NFASC: variants seen among roughly 807,000 people sequenced by gnomAD.
NFASC encodes the protein neurofascin homolog.
NFASC carries 43 observed loss-of-function variants against 147.5 expected under a neutral mutation model. The ratio of observed to expected loss-of-function variants is 0.29; its 90% CI spans 0.23 to 0.38. NFASC has a LOEUF of 0.38. Ranked by LOEUF, NFASC falls within the 10% of genes least tolerant of loss-of-function variation. The pLI, the probability that NFASC is intolerant of heterozygous loss-of-function variation, is 1.00. For missense variants in NFASC, 1,320 were observed against 1,689.0 expected (o/e 0.78, Z 3.83); for synonymous variants, 622 against 665.5 (o/e 0.93, Z 1.01).
intron 2 of NFASC, among the ~76,000 whole-genome samples, chr1:204,929,789 C>T (rs2092165887): frequency 6.6e-6 from 1 of 152,206 alleles, no homozygotes; most frequent in Non-Finnish European, 1.5e-5. Context: ...CCAGAGATCC[C>T]TCTTTCTCCA....
intron 2 of NFASC, among the ~76,000 whole-genome samples, chr1:204,930,258 A>G (rs181666208): frequency 1.3e-5 from 2 of 152,312 alleles, no homozygotes; most frequent in Non-Finnish European, 2.9e-5. Flanking sequence ...TCTGAGAGTC[A>G]GCAGGGGGAG....
chr1:204,933,569 A>G (rs1025947817), intron 2 of NFASC, among the ~76,000 whole-genome samples: 1 of 152,206 alleles, frequency 6.6e-6, no homozygotes, highest in African/African-American at 2.4e-5. Flanking sequence ...TGGGGCCTCA[A>G]AGTGATGTCT....
At chr1:205,001,854 G>GTTCC (rs967982201) in intron 26 of NFASC, among the ~76,000 whole-genome samples, 4 of 152,148 alleles carry the variant, frequency 2.6e-5, no homozygotes, top group Admixed American at 6.5e-5. Flanking sequence ...GAAGGACCCT[G>GTTCC]TTCCTACAGG....
Position 204,997,286 on chromosome 1 carries a change from G to T in NFASC, c.2899G>T (p.Ala967Ser). 2 of 1,609,998 alleles carry T rather than the reference G, an allele frequency of 1.2e-6. No individual in the cohort carries two copies. The highest frequency in any genetic ancestry group is 1.1e-5 in the South Asian group (1 of 90,636). ...AACAGTCCCCATCATCCCAACTGTC[G>T]CACCTACCACCATCGCCACCACCAC... The part of the protein sequence containing the change: ...ATTVPIIPTV[A>S]PTTIATTTTV... Residue 967 changes from alanine to serine, a missense_variant, in exon 25 of 30, where the codon GCA becomes TCA. Physicochemically the swap from Ala to Ser is moderately conservative, Grantham distance 99. Around this residue, in one of 3 missense-constraint regions of NFASC, gnomAD observed 172 missense variants for 165.8 expected, o/e 1.04. Transcript: ENST00000339876.
At chr1:204,842,625 C>T (rs1675687967) in intron 1 of NFASC, among the ~76,000 whole-genome samples, 1 of 152,252 alleles carries the variant, frequency 6.6e-6, no homozygotes, top group Non-Finnish European at 1.5e-5. Flanking sequence ...CCATTAAATG[C>T]TCCATCTGAC....
intron 1 of NFASC, among the ~76,000 whole-genome samples, chr1:204,883,394 G>A (rs2080679839): frequency 6.6e-6 from 1 of 152,162 alleles, no homozygotes; most frequent in Non-Finnish European, 1.5e-5. Flanking sequence ...CTGCTTTCTA[G>A]CCCCTTCCCC....
At chr1:204,900,267 A>G (rs777765079) in intron 1 of NFASC, among the ~76,000 whole-genome samples, 25 of 152,256 alleles carry the variant, frequency 1.6e-4, no homozygotes, top group Non-Finnish European at 1.5e-4. Context: ...GATAAAGGAT[A>G]AATGGAAAAC....
intron 1 of NFASC, among the ~76,000 whole-genome samples, chr1:204,835,389 C>T (rs988010821): frequency 2.6e-5 from 4 of 151,692 alleles, no homozygotes; most frequent in South Asian, 4.2e-4. Flanking sequence ...CACCACACCC[C>T]GCTAATTTTT....
chr1:204,939,154 C>T (rs1258659027), intron 2 of NFASC, among the ~76,000 whole-genome samples: 2 of 149,136 alleles, frequency 1.3e-5, no homozygotes, highest in African/African-American at 4.9e-5. Context: ...CTTAGTATAC[C>T]ATGCATCCAC....
rs2093954506 is a variant in NFASC at position 204,948,981 on chromosome 1, T to C, written c.92-1576T>C. Among the ~76,000 whole-genome samples the C allele has an allele frequency of 2.0e-5, 3 of 152,150 alleles. No individual in the cohort carries two copies. The South Asian group carries it at 6.2e-4, about 32-fold the overall frequency. ...TTGGGGCCCTGGCAAGAATATCACA[T>C]ATGGGTGAAGATGCTGTGGAGACGA... On this transcript the variant is annotated intron_variant, in intron 3 of 29. Transcript: ENST00000339876.
At chr1:205,008,274 C>T (rs1012770339) in intron 27 of NFASC, among the ~76,000 whole-genome samples, 1 of 152,192 alleles carries the variant, frequency 6.6e-6, no homozygotes, top group African/African-American at 2.4e-5. Context: ...TGGGCTTGCA[C>T]CCAGATAACT....
intron 25 of NFASC, chr1:204,999,900 C>T (rs908897116): frequency 1.3e-5 from 2 of 152,184 alleles, no homozygotes; most frequent in Non-Finnish European, 2.9e-5. Context: ...TATACAGCAG[C>T]CACACTTGTA....
intron 24 of NFASC, among the ~76,000 whole-genome samples, chr1:204,991,792 A>G (rs1465675112): frequency 6.6e-6 from 1 of 152,196 alleles, no homozygotes; most frequent in Non-Finnish European, 1.5e-5. Flanking sequence ...CGCATGCTGC[A>G]TGGGGGCCCG....
intron 1 of NFASC, among the ~76,000 whole-genome samples, chr1:204,857,906 C>CCTT (rs1269949447): frequency 1.4e-5 from 2 of 143,028 alleles, no homozygotes; most frequent in Non-Finnish European, 3.0e-5. Context: ...GTCCTAGTCT[C>CCTT]CTTCTTCTTC....
At position 204,888,452 on chromosome 1, in the gene NFASC, G is replaced by A. The variant is rs150724083; in HGVS notation, c.-199-32180G>A. Among the ~76,000 whole-genome samples, 114 of 152,312 alleles carry A rather than the reference G, an allele frequency of 7.5e-4. 1 individual carries two copies. The highest frequency in any genetic ancestry group is 4.4e-3 in the South Asian group (21 of 4,826). Reference sequence around the variant, plus strand: ...AAAAAAGCTGAAGAAAACAGTCACAGAGAACAAAAAGCAGATTGGTCATTT... The same window carrying A: ...AAAAAAGCTGAAGAAAACAGTCACAAAGAACAAAAAGCAGATTGGTCATTT... On this transcript the variant is annotated intron_variant, in intron 1 of 29. Transcript: ENST00000339876.
intron 1 of NFASC, among the ~76,000 whole-genome samples, chr1:204,919,578 T>A (rs2090044753): frequency 6.6e-6 from 1 of 152,184 alleles, no homozygotes; most frequent in Non-Finnish European, 1.5e-5. Flanking sequence ...CTTATTTAGA[T>A]AGCTATTGCC....
At chr1:204,906,695 T>A (rs985851873) in intron 1 of NFASC, among the ~76,000 whole-genome samples, 1 of 152,156 alleles carries the variant, frequency 6.6e-6, no homozygotes, top group Non-Finnish European at 1.5e-5. Flanking sequence ...GCATTTTTTT[T>A]TTTTTGAGAT....
rs1422605331 is a variant in NFASC, at chr1:204,944,277, C to T, written c.-39C>T. 11 of 1,606,096 alleles carry T rather than the reference C, an allele frequency of 6.8e-6. No individual in the cohort carries two copies. Among genetic ancestry groups the T allele is most frequent in the Admixed American group, 5.1e-5 (3 of 59,056 alleles). On this transcript the variant is annotated 5_prime_UTR_variant, in exon 3 of 30. It introduces an in-frame stop codon into an upstream open reading frame of the 5' UTR. Coordinates refer to ENST00000339876, the MANE Select transcript of NFASC (RefSeq NM_001005388.3). Reference sequence around the variant, plus strand: ...AAAGCGGCTCGAGGTGACAAGACCCCGAGTGCTGGGGAGCAGGGAGCAGGG... The same window carrying T: ...AAAGCGGCTCGAGGTGACAAGACCCTGAGTGCTGGGGAGCAGGGAGCAGGG...
rs373014630 is a variant in NFASC at position 204,982,004 on chromosome 1, T to C, written c.2454T>C (p.Gly818=). The part of the protein sequence containing the change: ...GKGPEPESVI[G]YSGEDLPSAP... ...GCCCTGAGCCAGAGTCCGTCATCGG[T>C]TACTCCGGAGAAGATTGTGAGTAGT... Residue 818 remains glycine (G), a synonymous_variant, in exon 21 of 30, where the codon GGT becomes GGC. Transcript: ENST00000339876. 7 of 1,583,916 alleles carry C rather than the reference T, an allele frequency of 4.4e-6. No individual in the cohort carries two copies. Among genetic ancestry groups the C allele is most frequent in the Non-Finnish European group, 6.0e-6 (7 of 1,165,292 alleles).
Sources: gnomAD v4.1 joint callset for allele counts (sites outside exome capture counted in the v4.1 genomes callset) on GRCh38, gnomAD v4.1.1 for gene constraint, gnomAD v4.1.1 regional missense constraint, MANE v1.5 for transcripts, NCBI Gene and HGNC (gene_info 2026-07-23, HGNC 2026-07-21) for gene names.